The following SLC14A2 variants were observed in gnomAD, a reference collection of about 807,000 sequenced individuals.
SLC14A2 encodes the protein urea transporter 2.
SLC14A2 carries 91 observed loss-of-function variants against 104.6 expected under a neutral mutation model. That is an observed-to-expected ratio of 0.87 (90% confidence interval 0.73 to 1.04). SLC14A2 has a LOEUF of 1.04. SLC14A2 is among the 50% of genes least tolerant of loss of function. The probability of loss-of-function intolerance (pLI) is 0.00; values close to 1 mark genes in which losing one functional copy is unlikely to be tolerated. For synonymous variants in SLC14A2, 476 were observed against 466.4 expected (o/e 1.02, Z -0.27); for missense variants, 1,189 against 1,156.0 (o/e 1.03, Z -0.41).
chr18:45,449,481 C>T (rs184829286), intron 1 of SLC14A2, among the ~76,000 whole-genome samples: 5 of 152,226 alleles, frequency 3.3e-5, no homozygotes, highest in African/African-American at 7.2e-5. Flanking sequence ...TTCCTGCGCC[C>T]GGGGAAAGAC....
intron 1 of SLC14A2, among the ~76,000 whole-genome samples, chr18:45,277,192 T>C (rs955300086): frequency 6.6e-6 from 1 of 152,240 alleles, no homozygotes; most frequent in Non-Finnish European, 1.5e-5. Context: ...TTTCCAGTTC[T>C]GCTACATATT....
the SLC14A2 span, among the ~76,000 whole-genome samples, chr18:45,176,550 C>T: frequency 6.6e-6 from 1 of 152,104 alleles, no homozygotes; most frequent in Non-Finnish European, 1.5e-5. Context: ...CAGATGGAAA[C>T]CCCCAGAATA....
intron 1 of SLC14A2, among the ~76,000 whole-genome samples, chr18:45,381,797 C>T (rs1486612001): frequency 1.3e-5 from 2 of 152,048 alleles, no homozygotes; most frequent in Non-Finnish European, 2.9e-5. Context: ...AGATCCACAG[C>T]CTGCAAATGA....
At chr18:45,543,787 A>G (rs965058428) in intron 2 of SLC14A2, among the ~76,000 whole-genome samples, 2 of 152,222 alleles carry the variant, frequency 1.3e-5, no homozygotes, top group Non-Finnish European at 2.9e-5. Context: ...GGCTGGTGTC[A>G]AGGAACTTGG....
intron 1 of SLC14A2, among the ~76,000 whole-genome samples, chr18:45,402,105 G>T (rs1361238638): frequency 6.6e-6 from 1 of 152,114 alleles, no homozygotes; most frequent in Non-Finnish European, 1.5e-5. Context: ...CGGGTACTGA[G>T]CACGTAAGAC....
At chr18:45,658,260 C>T (rs1448976070) in intron 10 of SLC14A2, among the ~76,000 whole-genome samples, 1 of 152,090 alleles carries the variant, frequency 6.6e-6, no homozygotes, top group African/African-American at 2.4e-5. Context: ...ATCAATCCCC[C>T]CCTAGGAGAG....
chr18:45,510,709 G>A (rs1199795826), intron 2 of SLC14A2, among the ~76,000 whole-genome samples: 2 of 151,658 alleles, frequency 1.3e-5, no homozygotes, highest in Non-Finnish European at 2.9e-5. Flanking sequence ...GCCCCTCTCA[G>A]AACAGCCAGC....
chr18:45,618,669 CAAAAAAAAAA>C lies in SLC14A2; in HGVS notation c.-35+3107_-35+3116del, dbSNP rs60728655. On this transcript the variant is annotated intron_variant, in intron 1 of 19. Transcript: ENST00000255226. ...GGGTGACAAGAGCGAAACTCTGTCT[CAAAAAAAAAA>C]AAAAAAAAAAAAAAAAAAAGAAGTA... Among the ~76,000 whole-genome samples, 58 of 50,686 alleles carry C rather than the reference CAAAAAAAAAA, an allele frequency of 1.1e-3. 2 individuals are homozygous for C. The highest frequency in any genetic ancestry group is 9.7e-3 in the South Asian group (12 of 1,242). The allele number at this position is 50,686 out of a possible 152,430, so 33.3% of individuals were successfully genotyped here.
At chr18:45,201,301 A>G in the SLC14A2 span, among the ~76,000 whole-genome samples, 2 of 152,136 alleles carry the variant, frequency 1.3e-5, no homozygotes, top group Non-Finnish European at 2.9e-5. Flanking sequence ...CCACTTAAAG[A>G]GTGGGGAGTT....
At chr18:45,573,777 G>A (rs1309303194) in intron 2 of SLC14A2, among the ~76,000 whole-genome samples, 1 of 152,168 alleles carries the variant, frequency 6.6e-6, no homozygotes, top group Non-Finnish European at 1.5e-5. Flanking sequence ...AATTCTGTAG[G>A]CCAATGAGTA....
chr18:45,352,605 A>G (rs1256448454), intron 1 of SLC14A2, among the ~76,000 whole-genome samples: 1 of 152,158 alleles, frequency 6.6e-6, no homozygotes, highest in Non-Finnish European at 1.5e-5. Context: ...CTTACAACCC[A>G]TCGAGAGAGA....
intron 2 of SLC14A2, among the ~76,000 whole-genome samples, chr18:45,565,036 C>G (rs1264848668): frequency 7.5e-6 from 1 of 133,290 alleles, no homozygotes; most frequent in Non-Finnish European, 1.6e-5. Flanking sequence ...TGTGGAAGAG[C>G]ACATGTGGGT....
At chr18:45,664,373 C>T (rs777563614) in intron 11 of SLC14A2, among the ~76,000 whole-genome samples, 36 of 152,168 alleles carry the variant, frequency 2.4e-4, no homozygotes, top group Non-Finnish European at 4.4e-4. Flanking sequence ...CTGCCAAAGG[C>T]CAGGAAGAGG....
intron 5 of SLC14A2, among the ~76,000 whole-genome samples, chr18:45,635,897 A>G (rs1471644977): frequency 2.0e-5 from 3 of 152,230 alleles, no homozygotes; most frequent in Non-Finnish European, 2.9e-5. Context: ...CTGATGAAGG[A>G]GCAGGGATGC....
At chr18:45,600,668 G>A (rs985071809) in intron 2 of SLC14A2, among the ~76,000 whole-genome samples, 4 of 152,116 alleles carry the variant, frequency 2.6e-5, no homozygotes, top group Admixed American at 6.5e-5. Flanking sequence ...GCAGGTCCTT[G>A]GGCTCCAAGA....
intron 1 of SLC14A2, among the ~76,000 whole-genome samples, chr18:45,618,875 G>A (rs185595703): frequency 2.6e-5 from 4 of 152,012 alleles, no homozygotes; most frequent in African/African-American, 4.8e-5. Context: ...AGGAGCATAC[G>A]AAATAGGCAC....
intron 1 of SLC14A2, among the ~76,000 whole-genome samples, chr18:45,307,754 G>C (rs894214056): frequency 1.3e-5 from 2 of 152,180 alleles, no homozygotes; most frequent in Non-Finnish European, 2.9e-5. Flanking sequence ...TGTAACACTA[G>C]AGAAAGCAAG....
At chr18:45,427,282 C>G (rs2086447919) in intron 1 of SLC14A2, among the ~76,000 whole-genome samples, 1 of 151,760 alleles carries the variant, frequency 6.6e-6, no homozygotes, top group South Asian at 2.1e-4. Context: ...AAAAAGGACT[C>G]TCCTGGAAAT....
intron 10 of SLC14A2, among the ~76,000 whole-genome samples, chr18:45,651,616 A>AGG (rs903802583): frequency 2.6e-5 from 4 of 152,174 alleles, no homozygotes; most frequent in Non-Finnish European, 4.4e-5. Context: ...CAGGGTGTGG[A>AGG]GGCCGGTTGG....
Sources: gnomAD v4.1 joint callset for allele counts (sites outside exome capture counted in the v4.1 genomes callset) on GRCh38, gnomAD v4.1.1 for gene constraint, MANE v1.5 for transcripts, NCBI Gene and HGNC (gene_info 2026-07-23, HGNC 2026-07-21) for gene names.